XKR9: variants seen among roughly 807,000 people sequenced by gnomAD.
XKR9 encodes the protein XK-related protein 9.
XKR9 carries 32 observed loss-of-function variants against 32.0 expected under a neutral mutation model. That is an observed-to-expected ratio of 1.00 (90% CI 0.76 to 1.34). The LOEUF is 1.34. Among genes scored for constraint, XKR9 ranks in the 40% most tolerant of loss-of-function variants. The pLI is 0.00. For missense variants in XKR9, 546 were observed against 429.7 expected, an observed-to-expected ratio of 1.27 and a Z score of -2.39; for synonymous variants, 168 against 143.4, an observed-to-expected ratio of 1.17 and a Z score of -1.22.
downstream of XKR9, among the ~76,000 whole-genome samples, chr8:70,739,998 T>C: frequency 6.6e-6 from 1 of 152,126 alleles, no homozygotes; most frequent in Non-Finnish European, 1.5e-5. Context: ...GTATTTCCTG[T>C]ATGTGAATGT....
intron 2 of XKR9, among the ~76,000 whole-genome samples, chr8:70,771,480 G>A (rs144291924): frequency 4.6e-5 from 7 of 152,230 alleles, no homozygotes; most frequent in South Asian, 2.1e-4. Flanking sequence ...TATTAATGGG[G>A]CAACAACACT....
At chr8:70,887,005 T>C in the XKR9 span, among the ~76,000 whole-genome samples, 2 of 152,228 alleles carry the variant, frequency 1.3e-5, no homozygotes, top group Non-Finnish European at 2.9e-5. Flanking sequence ...TCTTACAGAA[T>C]GTTCTGAATG....
At chr8:70,997,623 GA>G in the XKR9 span, among the ~76,000 whole-genome samples, 4 of 152,114 alleles carry the variant, frequency 2.6e-5, no homozygotes, top group South Asian at 8.3e-4. Context: ...GAAAGGGTGG[GA>G]GGGGGATGAG....
chr8:70,836,297 C>T, the XKR9 span, among the ~76,000 whole-genome samples: 7 of 152,040 alleles, frequency 4.6e-5, no homozygotes, highest in African/African-American at 2.4e-5. Flanking sequence ...GTAGCCTAAA[C>T]TCCTTCCAAA....
chr8:70,849,116 T>C, the XKR9 span, among the ~76,000 whole-genome samples: 1 of 152,036 alleles, frequency 6.6e-6, no homozygotes, highest in Non-Finnish European at 1.5e-5. Flanking sequence ...AGTACAGAAC[T>C]CTCAACACAA....
chr8:70,910,415 T>C, the XKR9 span, among the ~76,000 whole-genome samples: 1 of 152,188 alleles, frequency 6.6e-6, no homozygotes, highest in African/African-American at 2.4e-5. Context: ...TGGGCTCCAG[T>C]TTCCTAGTAT....
At chr8:70,911,348 C>T in the XKR9 span, among the ~76,000 whole-genome samples, 11 of 152,278 alleles carry the variant, frequency 7.2e-5, no homozygotes, top group African/African-American at 2.2e-4. Flanking sequence ...TACAAATATA[C>T]CCTCCCAACA....
At chr8:71,034,194 G>C in the XKR9 span, among the ~76,000 whole-genome samples, 28 of 152,208 alleles carry the variant, frequency 1.8e-4, no homozygotes, top group African/African-American at 6.7e-4. Flanking sequence ...TGTTGAAAAA[G>C]GGACCTCATG....
At chr8:70,977,114 C>A in the XKR9 span, among the ~76,000 whole-genome samples, 1 of 152,204 alleles carries the variant, frequency 6.6e-6, no homozygotes, top group Admixed American at 6.5e-5. Context: ...TCTTTTTCTT[C>A]TTTGTTAGTC....
intron 3 of XKR9, among the ~76,000 whole-genome samples, chr8:70,698,369 A>G (rs935424007): frequency 7.9e-5 from 12 of 152,038 alleles, no homozygotes; most frequent in Middle Eastern, 3.2e-3. Flanking sequence ...TGTCCCAGAG[A>G]TTCTGGTATG....
chr8:70,716,570 A>T (rs985899882), intron 4 of XKR9, among the ~76,000 whole-genome samples: 1 of 152,142 alleles, frequency 6.6e-6, no homozygotes, highest in Non-Finnish European at 1.5e-5. Context: ...AGAACCTACT[A>T]TCACGAGAAC....
chr8:70,696,323 A>C (rs74466933), intron 3 of XKR9, among the ~76,000 whole-genome samples: 11,003 of 152,190 alleles, frequency 0.072, 455 homozygotes, highest in Non-Finnish European at 0.089. Flanking sequence ...TAGGCCTAAC[A>C]TGTAAGTCTT....
chr8:70,763,800 T>C (rs983340189), intron 2 of XKR9, among the ~76,000 whole-genome samples: 5 of 152,220 alleles, frequency 3.3e-5, no homozygotes, highest in Non-Finnish European at 7.4e-5. Flanking sequence ...GGGGAACTTA[T>C]ACCCTGGCCT....
intron 4 of XKR9, among the ~76,000 whole-genome samples, chr8:70,732,123 C>A (rs993597179): frequency 3.9e-5 from 6 of 152,174 alleles, no homozygotes; most frequent in Admixed American, 3.9e-4. Flanking sequence ...AGGAGCTGAA[C>A]TGAGATAGAC....
the XKR9 span, among the ~76,000 whole-genome samples, chr8:70,947,558 G>A: frequency 6.6e-6 from 1 of 152,122 alleles, no homozygotes; most frequent in Non-Finnish European, 1.5e-5. Flanking sequence ...CTTTTAAGAC[G>A]ACATATGCAG....
the XKR9 span, among the ~76,000 whole-genome samples, chr8:70,856,302 A>C: frequency 1.3e-5 from 2 of 152,220 alleles, no homozygotes; most frequent in Non-Finnish European, 2.9e-5. Flanking sequence ...GCAAATGGAA[A>C]ACAAAATAAA....
chr8:71,009,954 A>G, the XKR9 span, among the ~76,000 whole-genome samples: 1 of 152,214 alleles, frequency 6.6e-6, no homozygotes, highest in East Asian at 1.9e-4. Flanking sequence ...GCCCATGCAA[A>G]CAAAGAATAA....
At chr8:70,815,541 A>ATTTATTTATTTT in the XKR9 span, among the ~76,000 whole-genome samples, 2 of 151,170 alleles carry the variant, frequency 1.3e-5, no homozygotes, top group Non-Finnish European at 2.9e-5. Context: ...TTATTTATTT[A>ATTTATTTATTTT]TTGAGATGGA....
At chr8:70,829,526 G>A in the XKR9 span, among the ~76,000 whole-genome samples, 1 of 152,208 alleles carries the variant, frequency 6.6e-6, no homozygotes, top group Admixed American at 6.5e-5. Context: ...TTGGCTCACT[G>A]CAAGCTCCGC....
Sources: gnomAD v4.1 joint callset for allele counts (sites outside exome capture counted in the v4.1 genomes callset) on GRCh38, gnomAD v4.1.1 for gene constraint, MANE v1.5 for transcripts, NCBI Gene and HGNC (gene_info 2026-07-23, HGNC 2026-07-21) for gene names.